Variants in FAM171B observed in about 807,000 individuals in gnomAD.
The protein encoded by FAM171B is family with sequence similarity 171 member B.
A neutral mutation model predicts 75.6 loss-of-function variants in FAM171B; 19 were observed. The ratio of observed to expected loss-of-function variants is 0.25; its 90% CI spans 0.18 to 0.37. The LOEUF (loss-of-function observed/expected upper bound fraction) is 0.37. Among genes scored for constraint, FAM171B ranks in the 10% least tolerant of loss-of-function variants. The pLI, the probability that FAM171B is intolerant of heterozygous loss-of-function variation, is 1.00. For synonymous variants in FAM171B, 367 were observed against 361.7 expected (o/e 1.01, Z -0.17); for missense variants, 848 against 982.4 (o/e 0.86, Z 1.83).
intron 1 of FAM171B, among the ~76,000 whole-genome samples, chr2:186,730,478 C>A (rs917843038): frequency 6.6e-6 from 1 of 152,120 alleles, no homozygotes; most frequent in Non-Finnish European, 1.5e-5. Flanking sequence ...AACTGCAAGT[C>A]AGTTGTTTCC....
chr2:186,721,335 G>A (rs1374695397), intron 1 of FAM171B, among the ~76,000 whole-genome samples: 1 of 152,144 alleles, frequency 6.6e-6, no homozygotes, highest in Non-Finnish European at 1.5e-5. Flanking sequence ...AGCCAAGAGA[G>A]TTAAGCATTC....
intron 1 of FAM171B, among the ~76,000 whole-genome samples, chr2:186,712,585 G>A (rs185262166): frequency 4.1e-4 from 63 of 152,348 alleles, no homozygotes; most frequent in Non-Finnish European, 6.0e-4. Flanking sequence ...TTGGAGAACT[G>A]TCAGTCGATC....
At chr2:186,725,260 T>C (rs759127579) in intron 1 of FAM171B, among the ~76,000 whole-genome samples, 16 of 151,006 alleles carry the variant, frequency 1.1e-4, no homozygotes, top group Admixed American at 5.9e-4. Flanking sequence ...AGGAGAATGG[T>C]GTTAACCCGG....
At chr2:186,727,244 G>T (rs1460205063) in intron 1 of FAM171B, among the ~76,000 whole-genome samples, 1 of 152,142 alleles carries the variant, frequency 6.6e-6, no homozygotes, top group Non-Finnish European at 1.5e-5. Context: ...TCATTAATCT[G>T]GTCAGTACAG....
chr2:186,698,154 A>G (rs111992030), intron 1 of FAM171B, among the ~76,000 whole-genome samples: 93 of 152,202 alleles, frequency 6.1e-4, no homozygotes, highest in Non-Finnish European at 1.9e-4. Flanking sequence ...GGCCCATTAG[A>G]TGGGAGGCAT....
At chr2:186,708,446 A>G (rs1360722499) in intron 1 of FAM171B, among the ~76,000 whole-genome samples, 2 of 152,124 alleles carry the variant, frequency 1.3e-5, no homozygotes, top group African/African-American at 4.8e-5. Flanking sequence ...ATACATCATC[A>G]TTGCTTGCAG....
rs1019047392 is a variant in FAM171B at position 186,709,909 on chromosome 2, T to C, written c.238+15498T>C. 2.6e-5 allele frequency among the ~76,000 whole-genome samples: 4 copies of C among 152,222 alleles called. No individual in the cohort carries two copies. In the South Asian group the frequency reaches 8.3e-4, roughly 32 times the overall value. On this transcript the variant is annotated intron_variant, in intron 1 of 7. Coordinates refer to ENST00000304698, the MANE Select transcript of FAM171B (RefSeq NM_177454.4). ...CCTGGGCTTCTGTTAAATTGGAAAGTTCATGAAAACTAATAAATATCAAGA... is the reference window on the plus strand; with the variant it reads ...CCTGGGCTTCTGTTAAATTGGAAAGCTCATGAAAACTAATAAATATCAAGA...
At chr2:186,731,928 T>A (rs1690121041) in intron 1 of FAM171B, among the ~76,000 whole-genome samples, 1 of 152,134 alleles carries the variant, frequency 6.6e-6, no homozygotes, top group Non-Finnish European at 1.5e-5. Flanking sequence ...CTCTCTCCCA[T>A]CACCCTGAGA....
intron 1 of FAM171B, among the ~76,000 whole-genome samples, chr2:186,707,795 T>C (rs1689752252): frequency 6.6e-6 from 1 of 151,572 alleles, no homozygotes; most frequent in Non-Finnish European, 1.5e-5. Context: ...ACCTGGATAA[T>C]TACATTCAAA....
chr2:186,717,713 G>A (rs1574100550), intron 1 of FAM171B, among the ~76,000 whole-genome samples: 2 of 152,066 alleles, frequency 1.3e-5, no homozygotes, highest in Non-Finnish European at 2.9e-5. Flanking sequence ...TTGCTAAGGT[G>A]AAGAGAGACT....
chr2:186,755,597 C>T (rs529166913), intron 6 of FAM171B, among the ~76,000 whole-genome samples: 1 of 152,152 alleles, frequency 6.6e-6, no homozygotes, highest in Non-Finnish European at 1.5e-5. Context: ...ATTTTGTCAT[C>T]TAACATTATT....
In FAM171B at chr2:186,738,981, T is replaced by C. The variant is rs565270929; in HGVS notation, c.239-1247T>C. Among the ~76,000 whole-genome samples the C allele has an allele frequency of 2.0e-5, 3 of 152,296 alleles. No individual in the cohort carries two copies. In the East Asian group the frequency reaches 5.8e-4, roughly 29 times the overall value. ...TATAGCCTACTGCACACCTAGGTTA[T>C]ATGGTATAGGCTATTGCTCCTAAGC... On this transcript the variant is annotated intron_variant, in intron 1 of 7. Transcript: ENST00000304698.
chr2:186,729,461 G>A (rs1025932208), intron 1 of FAM171B, among the ~76,000 whole-genome samples: 1 of 151,918 alleles, frequency 6.6e-6, no homozygotes, highest in Non-Finnish European at 1.5e-5. Flanking sequence ...GGAGAGAACT[G>A]GTAGAGGATT....
intron 1 of FAM171B, among the ~76,000 whole-genome samples, chr2:186,726,581 T>G (rs1293035577): frequency 2.0e-5 from 3 of 152,190 alleles, no homozygotes; most frequent in African/African-American, 7.2e-5. Context: ...AGGGAAATCG[T>G]GCTAGTACCC....
intron 2 of FAM171B, among the ~76,000 whole-genome samples, chr2:186,742,114 G>A (rs779230975): frequency 3.9e-5 from 6 of 152,022 alleles, no homozygotes; most frequent in Admixed American, 2.0e-4. Flanking sequence ...ACCCAACAAA[G>A]AGCTATAATA....
chr2:186,750,620 G>A (rs1690437880), intron 4 of FAM171B, among the ~76,000 whole-genome samples: 1 of 147,860 alleles, frequency 6.8e-6, no homozygotes, highest in Non-Finnish European at 1.5e-5. Context: ...TGTAAGAAGT[G>A]CAACTTTTAA....
chr2:186,741,050 G>C (rs1690282035), intron 2 of FAM171B, among the ~76,000 whole-genome samples: 1 of 152,108 alleles, frequency 6.6e-6, no homozygotes, highest in South Asian at 2.1e-4. Flanking sequence ...ACAAAATTAA[G>C]AGTGAGTGAT....
rs529977195 is a variant in FAM171B, at chr2:186,735,325, T to G, written c.239-4903T>G. Among the ~76,000 whole-genome samples, 9 of 152,314 alleles carry G rather than the reference T, an allele frequency of 5.9e-5. No individual in the cohort carries two copies. The South Asian group carries it at 1.9e-3, about 32-fold the overall frequency. ...CTGTCCTCTTGAGCTGAGTTGCTTC[T>G]GGGTGCTGCCACTGGAGTGGTGGAG... On this transcript the variant is annotated intron_variant, in intron 1 of 7. Transcript: ENST00000304698.
At chr2:186,736,999 C>T (rs1210221442) in intron 1 of FAM171B, among the ~76,000 whole-genome samples, 1 of 152,182 alleles carries the variant, frequency 6.6e-6, no homozygotes, top group African/African-American at 2.4e-5. Context: ...TATTACCAAT[C>T]ACATTAAGTG....
Sources: gnomAD v4.1 joint callset for allele counts (sites outside exome capture counted in the v4.1 genomes callset) on GRCh38, gnomAD v4.1.1 for gene constraint, MANE v1.5 for transcripts, NCBI Gene and HGNC (gene_info 2026-07-23, HGNC 2026-07-21) for gene names.